Variants in SRGAP3 observed in about 807,000 individuals in gnomAD.
SRGAP3 encodes the protein SLIT-ROBO Rho GTPase-activating protein 3.
In SRGAP3, 39 loss-of-function variants were observed where a neutral mutation model predicts 121.1. The observed-to-expected ratio is 0.32, with a 90% CI of 0.25 to 0.42. The LOEUF is 0.42. Ranked by LOEUF, SRGAP3 falls within the 10% of genes least tolerant of loss-of-function variation. The pLI is 1.00. For missense variants in SRGAP3, 1,213 were observed against 1,470.6 expected (o/e 0.82, Z 2.86); for synonymous variants, 601 against 570.0 (o/e 1.05, Z -0.77).
At chr3:9,072,165 T>C (rs1239049519) in intron 4 of SRGAP3, among the ~76,000 whole-genome samples, 1 of 152,200 alleles carries the variant, frequency 6.6e-6, no homozygotes, top group Non-Finnish European at 1.5e-5. Flanking sequence ...CAGTGCTGAC[T>C]GGGCGGAGGC....
At chr3:9,348,858 G>C (rs2029896717) in intron 1 of SRGAP3, 1 of 1,302,894 alleles carries the variant, frequency 7.7e-7, no homozygotes, top group South Asian at 1.2e-5. Context: ...AAGGATCGCA[G>C]GTTTGCAAAC....
intron 17 of SRGAP3, among the ~76,000 whole-genome samples, chr3:9,011,041 G>GT (rs33924497): frequency 1.4e-4 from 21 of 151,318 alleles, no homozygotes; most frequent in Non-Finnish European, 2.2e-4. Context: ...TAATCAGCCA[G>GT]TTTTTTTTTT....
chr3:9,012,314 T>C (rs1943415622), intron 17 of SRGAP3, among the ~76,000 whole-genome samples: 1 of 152,234 alleles, frequency 6.6e-6, no homozygotes, highest in Admixed American at 6.5e-5. Flanking sequence ...GCAGTGTGGG[T>C]AATACCTAAA....
intron 1 of SRGAP3, among the ~76,000 whole-genome samples, chr3:9,356,602 T>C (rs1388819895): frequency 6.6e-6 from 1 of 151,940 alleles, no homozygotes; most frequent in Non-Finnish European, 1.5e-5. Flanking sequence ...CTCGATCTCC[T>C]GACCTCGTGA....
chr3:9,105,752 C>G (rs1173342706), intron 2 of SRGAP3, among the ~76,000 whole-genome samples: 2 of 152,208 alleles, frequency 1.3e-5, no homozygotes, highest in African/African-American at 2.4e-5. Flanking sequence ...AAATCTGTCT[C>G]TTGGCTCTGC....
intron 10 of SRGAP3, among the ~76,000 whole-genome samples, chr3:9,046,587 T>C (rs1390584236): frequency 2.0e-5 from 3 of 152,244 alleles, no homozygotes; most frequent in Non-Finnish European, 4.4e-5. Flanking sequence ...TTAAGCCTAG[T>C]TGTCAGGTCC....
At chr3:8,986,340 C>A (rs754236770) in intron 21 of SRGAP3, among the ~76,000 whole-genome samples, 27 of 152,172 alleles carry the variant, frequency 1.8e-4, no homozygotes, top group Non-Finnish European at 2.9e-4. Flanking sequence ...TTAAATGATA[C>A]AGTCCCTGTG....
chr3:9,071,062 A>G (rs1001603), intron 4 of SRGAP3, among the ~76,000 whole-genome samples: 70,846 of 151,858 alleles, frequency 0.47, 17,378 homozygotes, highest in Non-Finnish European at 0.55. Context: ...CAAAGGGAGC[A>G]GAGTGAGCAT....
chr3:9,031,891 T>A (rs1243887603), intron 12 of SRGAP3, among the ~76,000 whole-genome samples: 1 of 152,228 alleles, frequency 6.6e-6, no homozygotes, highest in Admixed American at 6.5e-5. Flanking sequence ...GCTTCTCCCC[T>A]TCCTCAAGTA....
rs1395249918 is a variant in SRGAP3 at position 9,267,040 on chromosome 3, C to T, written n.442+58970G>A. 3.3e-5 allele frequency among the ~76,000 whole-genome samples: 5 copies of T among 152,196 alleles called. No individual in the cohort carries two copies. The East Asian group carries it at 9.6e-4, about 29-fold the overall frequency. On this transcript the variant is annotated intron_variant and non_coding_transcript_variant, in intron 3 of 3. Transcript: ENST00000490889. ...CCCAATCTCTTTTAGGAAATGAACG[C>T]AGCATCGGGCTGAATAATATATATT...
rs369813580 is a variant in SRGAP3, at chr3:9,070,166, G to A, written c.487-5585C>T. ...AAAGTGTTATCTGTACCATCTTTCAGCCCCTCATTTAAATGCAAAAGAAGG... is the reference window on the plus strand; with the variant it reads ...AAAGTGTTATCTGTACCATCTTTCAACCCCTCATTTAAATGCAAAAGAAGG... On this transcript the variant is annotated intron_variant, in intron 4 of 21. Coordinates refer to ENST00000383836, the MANE Select transcript of SRGAP3 (RefSeq NM_014850.4). 1.2e-4 allele frequency among the ~76,000 whole-genome samples: 18 copies of A among 152,176 alleles called. No individual in the cohort carries two copies. In the East Asian group the frequency reaches 3.5e-3, roughly 29 times the overall value.
chr3:9,168,290 A>G (rs1256793203), intron 1 of SRGAP3, among the ~76,000 whole-genome samples: 1 of 152,134 alleles, frequency 6.6e-6, no homozygotes, highest in Non-Finnish European at 1.5e-5. Flanking sequence ...CTAAAGCCCC[A>G]TTTTTGCCAG....
intron 3 of SRGAP3, among the ~76,000 whole-genome samples, chr3:9,278,787 C>G (rs1280461821): frequency 6.6e-6 from 1 of 152,096 alleles, no homozygotes; most frequent in Non-Finnish European, 1.5e-5. Flanking sequence ...TGACAGAAAG[C>G]CCAACCTGAA....
intron 3 of SRGAP3, chr3:9,081,226 G>A (rs1465389222): frequency 2.2e-6 from 1 of 456,420 alleles, no homozygotes. Context: ...CCCCAGTGCT[G>A]GTCCCCTGGT....
At chr3:9,024,349 T>C (rs1235344157) in intron 14 of SRGAP3, among the ~76,000 whole-genome samples, 1 of 152,218 alleles carries the variant, frequency 6.6e-6, no homozygotes, top group African/African-American at 2.4e-5. Flanking sequence ...GATGAGGTTA[T>C]GGTCTTGTTA....
At chr3:9,345,590 C>T (rs1381691547) in intron 1 of SRGAP3, among the ~76,000 whole-genome samples, 1 of 151,770 alleles carries the variant, frequency 6.6e-6, no homozygotes, top group African/African-American at 2.4e-5. Flanking sequence ...TAAAACCAGC[C>T]ATAGCCAACA....
At chr3:9,028,077 T>TAA in intron 12 of SRGAP3, 1 of 1,614,100 alleles carries the variant, frequency 6.2e-7, no homozygotes, top group Non-Finnish European at 8.5e-7. Flanking sequence ...TGAATGGGGC[T>TAA]AATGGGCCTT....
At chr3:9,139,852 G>A (rs577363143) in intron 1 of SRGAP3, among the ~76,000 whole-genome samples, 2 of 152,252 alleles carry the variant, frequency 1.3e-5, no homozygotes, top group South Asian at 4.2e-4. Flanking sequence ...TGTTGTAGAG[G>A]AGTCAGCTGA....
intron 1 of SRGAP3, chr3:9,348,894 G>C: frequency 3.7e-6 from 4 of 1,085,860 alleles, no homozygotes; most frequent in Non-Finnish European, 5.7e-6. Flanking sequence ...CTACCCTCCT[G>C]TGAGAGTCTG....
Sources: gnomAD v4.1 joint callset for allele counts (sites outside exome capture counted in the v4.1 genomes callset) on GRCh38, gnomAD v4.1.1 for gene constraint, MANE v1.5 for transcripts, NCBI Gene and HGNC (gene_info 2026-07-23, HGNC 2026-07-21) for gene names.